Variants in CPNE5 observed in about 807,000 individuals in gnomAD.
CPNE5 encodes copine 5.
A neutral mutation model predicts 81.1 loss-of-function variants in CPNE5; 42 were observed. The observed-to-expected ratio is 0.52, with a 90% CI of 0.40 to 0.67. The LOEUF (loss-of-function observed/expected upper bound fraction) is 0.67. CPNE5 is among the 30% of genes least tolerant of loss of function. The probability of loss-of-function intolerance (pLI) is 0.00; values close to 1 mark genes in which losing one functional copy is unlikely to be tolerated. For synonymous variants in CPNE5, 313 were observed against 321.5 expected (o/e 0.97, Z 0.28); for missense variants, 612 against 815.5 (o/e 0.75, Z 3.04).
At position 36,794,661 on chromosome 6, in the gene CPNE5, GA is replaced by G. The variant is rs1374096469; in HGVS notation, c.405-13del. On this transcript the variant is annotated splice_polypyrimidine_tract_variant and intron_variant, in intron 6 of 20. Coordinates refer to ENST00000244751, the MANE Select transcript of CPNE5 (RefSeq NM_020939.2). ...TGAATGCGCCTATCCTGTGGAGAGAGAGGGGGAGAGAGAGCATGCCATGAGC... is the reference window on the plus strand; with the variant it reads ...TGAATGCGCCTATCCTGTGGAGAGAGGGGGGAGAGAGAGCATGCCATGAGC... The G allele has an allele frequency of 6.2e-7, 1 of 1,613,308 alleles. No individual in the cohort carries two copies. Among genetic ancestry groups the G allele is most frequent in the African/African-American group, 1.3e-5 (1 of 74,880 alleles).
chr6:36,757,364 C>CTTTA, intron 12 of CPNE5: 1 of 985,432 alleles, frequency 1.0e-6, no homozygotes, highest in South Asian at 4.7e-5. Flanking sequence ...GTCAGCTGAT[C>CTTTA]TTTACCGTGG....
At chr6:36,809,582 A>C (rs1718437151) in intron 3 of CPNE5, among the ~76,000 whole-genome samples, 1 of 148,486 alleles carries the variant, frequency 6.7e-6, no homozygotes, top group African/African-American at 2.6e-5. Flanking sequence ...TCTCAAAAAC[A>C]AAAAAACAAA....
At chr6:36,748,290 G>T in intron 14 of CPNE5, 23 bp from the exon 15 acceptor site, 1 of 1,611,954 alleles carries the variant, frequency 6.2e-7, no homozygotes. Context: ...GAACAGCAGG[G>T]GAGTCACCTG....
intron 15 of CPNE5, among the ~76,000 whole-genome samples, chr6:36,747,216 C>A (rs1426066320): frequency 6.6e-6 from 1 of 151,530 alleles, no homozygotes; most frequent in Non-Finnish European, 1.5e-5. Flanking sequence ...ATTACAGCCT[C>A]CCCCAATCCT....
chr6:36,758,172 A>C (rs574561282), intron 12 of CPNE5, among the ~76,000 whole-genome samples: 1 of 152,268 alleles, frequency 6.6e-6, no homozygotes, highest in Admixed American at 6.5e-5. Flanking sequence ...TCATCTCTAA[A>C]ATGGGAATAA....
chr6:36,754,186 G>A (rs968496421), intron 13 of CPNE5: 2 of 151,488 alleles, frequency 1.3e-5, no homozygotes, highest in Non-Finnish European at 2.9e-5. Flanking sequence ...CCGAGTTTCC[G>A]GGGCTACATG....
chr6:36,762,995 G>A lies in CPNE5; in HGVS notation c.780-3C>T. On this transcript the variant is annotated splice_polypyrimidine_tract_variant and splice_region_variant and intron_variant, in intron 11 of 20. Coordinates refer to ENST00000244751, the MANE Select transcript of CPNE5 (RefSeq NM_020939.2). ...TGAACTCCCCAATGAAGTCATGGCTGCAAGGGAAGACGGCTGCTGAGACCA... is the reference window on the plus strand; with the variant it reads ...TGAACTCCCCAATGAAGTCATGGCTACAAGGGAAGACGGCTGCTGAGACCA... The A allele has an allele frequency of 1.9e-6, 3 of 1,614,000 alleles. No homozygotes were observed. The Middle Eastern group carries it at 4.9e-4, about 266-fold the overall frequency.
Position 36,778,929 on chromosome 6 carries a change from T to C in CPNE5, c.557A>G (p.Asn186Ser). The C allele has an allele frequency of 6.2e-7, 1 of 1,605,208 alleles. No individual in the cohort carries two copies. Among genetic ancestry groups the C allele is most frequent in the Middle Eastern group, 1.7e-4 (1 of 6,036 alleles). ...AAAGAAATCTTTCTTGTCCAGCTTG[T>C]TGGCACAGAACTGCATGGTGGCGAC... ...RDVATMQFCA[N>S]KLDKKDFFGK... Residue 186 changes from asparagine (N) to serine (S), a missense_variant, in exon 9 of 21, where the codon AAC (asparagine) becomes AGC (serine). Coordinates refer to ENST00000244751, the MANE Select transcript of CPNE5 (RefSeq NM_020939.2).
At chr6:36,825,499 C>A (rs1226204293) in intron 1 of CPNE5, among the ~76,000 whole-genome samples, 1 of 152,220 alleles carries the variant, frequency 6.6e-6, no homozygotes, top group African/African-American at 2.4e-5. Context: ...AGGCAACCAC[C>A]TCTCTCCTGG....
intron 3 of CPNE5, among the ~76,000 whole-genome samples, chr6:36,811,878 C>T (rs934909349): frequency 1.4e-4 from 22 of 151,980 alleles, no homozygotes; most frequent in African/African-American, 4.3e-4. Context: ...CCGAGGTGGG[C>T]GGATCTCCTG....
rs996416990 is a variant in CPNE5, at chr6:36,777,525, C to T, written c.632+1329G>A. On this transcript the variant is annotated intron_variant, in intron 9 of 20. Coordinates refer to ENST00000244751, the MANE Select transcript of CPNE5 (RefSeq NM_020939.2). ...CCTCCCTGGAGGGGGCCTGTGTGGA[C>T]GCCCGGAACAATATGCAGGCCTTTT... Among the ~76,000 whole-genome samples the T allele has an allele frequency of 5.3e-5, 8 of 152,236 alleles. No homozygotes were observed. The South Asian group carries it at 6.2e-4, about 12-fold the overall frequency.
At chr6:36,810,500 A>G (rs2150559718) in intron 3 of CPNE5, among the ~76,000 whole-genome samples, 1 of 152,348 alleles carries the variant, frequency 6.6e-6, no homozygotes, top group Non-Finnish European at 1.5e-5. Flanking sequence ...GAAAAAGGGA[A>G]TGTGCTTTCC....
Position 36,792,034 on chromosome 6 carries a change from C to T in CPNE5, c.527G>A (p.Arg176Lys). ...ILSAEELSNC[R>K]DVATMQFCAN... is the part of the protein sequence containing the mutation. Reference sequence around the variant, plus strand: ...GTGCTGGAGTCCTCTGCCACTCACCCTACAGTTGCTGAGCTCCTCAGCGGA... The same window carrying T: ...GTGCTGGAGTCCTCTGCCACTCACCTTACAGTTGCTGAGCTCCTCAGCGGA... Residue 176 changes from arginine (R) to lysine (K), a missense_variant and splice_region_variant, in exon 8 of 21, where the codon AGG becomes AAG. Arg to Lys is a conservative substitution (Grantham distance 26). Coordinates refer to ENST00000244751, the MANE Select transcript of CPNE5 (RefSeq NM_020939.2). 2 of 1,613,968 alleles carry T rather than the reference C, an allele frequency of 1.2e-6. No homozygotes were observed. Among genetic ancestry groups the T allele is most frequent in the East Asian group, 2.2e-5 (1 of 44,888 alleles).
chr6:36,802,752 T>C (rs916444530), intron 3 of CPNE5, among the ~76,000 whole-genome samples: 4 of 151,928 alleles, frequency 2.6e-5, no homozygotes, highest in African/African-American at 9.7e-5. Context: ...TGAATTAAGT[T>C]AGAAACTTCC....
At chr6:36,812,826 T>C (rs1771216991) in intron 3 of CPNE5, among the ~76,000 whole-genome samples, 1 of 152,222 alleles carries the variant, frequency 6.6e-6, no homozygotes, top group African/African-American at 2.4e-5. Context: ...AGAGGCAGAC[T>C]TCTCTGCAAA....
At chr6:36,747,237 C>T (rs1289589509) in intron 15 of CPNE5, among the ~76,000 whole-genome samples, 1 of 137,114 alleles carries the variant, frequency 7.3e-6, no homozygotes, top group African/African-American at 2.7e-5. Context: ...TCCTATCCTT[C>T]TTCCTGGCTT....
At chr6:36,774,312 G>C (rs991128566) in intron 10 of CPNE5, among the ~76,000 whole-genome samples, 4 of 152,068 alleles carry the variant, frequency 2.6e-5, no homozygotes, top group African/African-American at 9.7e-5. Context: ...GAGCCTGGGA[G>C]GTCCAGGCTG....
Position 36,746,094 on chromosome 6 carries a change from T to G in CPNE5, c.1200+302A>C. The G allele has an allele frequency of 1.1e-6, 1 of 903,764 alleles. No homozygotes were observed. The highest frequency in any genetic ancestry group is 1.3e-6 in the Non-Finnish European group (1 of 756,916). The allele number at this position is 903,764 out of a possible 1,614,324, so 56.0% of individuals were successfully genotyped here. ...CCCAACCCACACCACCTTGTTCACTTTTCTGGGGCCCTGAGGGATGGGTCA... is the reference window on the plus strand; with the variant it reads ...CCCAACCCACACCACCTTGTTCACTGTTCTGGGGCCCTGAGGGATGGGTCA... On this transcript the variant is annotated intron_variant, in intron 16 of 20. Coordinates refer to ENST00000244751, the MANE Select transcript of CPNE5 (RefSeq NM_020939.2). This position sits in a 1 kb window ranked among gnomAD's most constrained non-coding sequence, Gnocchi z 4.5.
intron 8 of CPNE5, among the ~76,000 whole-genome samples, chr6:36,789,977 G>A (rs1768942810): frequency 6.6e-6 from 1 of 152,290 alleles, no homozygotes; most frequent in East Asian, 1.9e-4. Flanking sequence ...CTGTGTTCGT[G>A]TGTCTTATTC....
Sources: allele counts gnomAD v4.1 joint callset (sites outside exome capture counted in the v4.1 genomes callset), GRCh38; gene constraint gnomAD v4.1.1; non-coding constraint Gnocchi (gnomAD v3.1); transcripts MANE v1.5; gene names NCBI Gene and HGNC (gene_info 2026-07-23, HGNC 2026-07-21).